DLGAP2: variants seen among roughly 807,000 people sequenced by gnomAD.
The protein encoded by DLGAP2 is disks large-associated protein 2.
A neutral mutation model predicts 100.3 loss-of-function variants in DLGAP2; 26 were observed. The ratio of observed to expected loss-of-function variants is 0.26; its 90% confidence interval spans 0.19 to 0.36. DLGAP2 has a LOEUF of 0.36. DLGAP2 is among the 10% of genes least tolerant of loss of function. The pLI is 1.00. For missense variants in DLGAP2, 1,858 were observed against 1,453.2 expected (o/e 1.28, Z -4.53); for synonymous variants, 886 against 630.1 (o/e 1.41, Z -6.08).
intron 6 of DLGAP2, among the ~76,000 whole-genome samples, chr8:1,581,410 C>G (rs1803249352): frequency 6.6e-6 from 1 of 151,054 alleles, no homozygotes; most frequent in Non-Finnish European, 1.5e-5. Flanking sequence ...AGAAAAAACC[C>G]CACACACATA....
chr8:851,457 G>A (rs542175856), intron 1 of DLGAP2, among the ~76,000 whole-genome samples: 2 of 152,266 alleles, frequency 1.3e-5, no homozygotes, highest in East Asian at 3.9e-4. Flanking sequence ...CCTGCTACTA[G>A]GTAATTTAAA....
chr8:1,285,998 A>G (rs565532366), intron 3 of DLGAP2, among the ~76,000 whole-genome samples: 3 of 152,034 alleles, frequency 2.0e-5, no homozygotes, highest in Non-Finnish European at 4.4e-5. Flanking sequence ...GTTCACTTCC[A>G]TTTTTCTTTT....
chr8:893,823 C>T (rs1248607390), intron 1 of DLGAP2, among the ~76,000 whole-genome samples: 1 of 152,210 alleles, frequency 6.6e-6, no homozygotes, highest in Admixed American at 6.5e-5. Context: ...AACGAGACCC[C>T]CTTCGGCCAG....
At chr8:1,345,379 G>A (rs1304484926) in intron 3 of DLGAP2, among the ~76,000 whole-genome samples, 1 of 152,174 alleles carries the variant, frequency 6.6e-6, no homozygotes, top group African/African-American at 2.4e-5. Context: ...TTGAGAATAA[G>A]TACACTGCAT....
intron 2 of DLGAP2, among the ~76,000 whole-genome samples, chr8:1,226,412 C>A (rs146516774): frequency 3.4e-4 from 51 of 152,142 alleles, no homozygotes; most frequent in Middle Eastern, 3.4e-3. Context: ...TAAGTGGGAG[C>A]TGAACAATGA....
intron 13 of DLGAP2, among the ~76,000 whole-genome samples, chr8:1,694,422 A>T (rs1337047325): frequency 6.6e-6 from 1 of 152,212 alleles, no homozygotes. Flanking sequence ...GAGATTGAGG[A>T]CTGACCACAG....
chr8:1,612,423 A>G (rs1411708521), intron 6 of DLGAP2, among the ~76,000 whole-genome samples: 1 of 135,276 alleles, frequency 7.4e-6, no homozygotes, highest in Non-Finnish European at 1.6e-5. Flanking sequence ...CGTTAGACCT[A>G]AAACCATAAA....
chr8:1,610,376 C>T (rs993546981), intron 6 of DLGAP2, among the ~76,000 whole-genome samples: 2,608 of 151,316 alleles, frequency 0.017, 66 homozygotes, highest in African/African-American at 0.059. Context: ...ATCTCTGGGA[C>T]GCATTCAAAG....
At chr8:1,227,010 G>A (rs746245030) in intron 2 of DLGAP2, among the ~76,000 whole-genome samples, 6 of 150,830 alleles carry the variant, frequency 4.0e-5, no homozygotes, top group Non-Finnish European at 7.4e-5. Flanking sequence ...TCTTCTGATT[G>A]TACCCAAAGG....
intron 2 of DLGAP2, among the ~76,000 whole-genome samples, chr8:1,171,591 G>C (rs909110422): frequency 3.3e-5 from 5 of 152,092 alleles, no homozygotes; most frequent in African/African-American, 4.8e-5. Context: ...TATATATTTA[G>C]GATACTTAGC....
At chr8:796,292 T>G (rs1016425100) in intron 1 of DLGAP2, among the ~76,000 whole-genome samples, 10 of 152,194 alleles carry the variant, frequency 6.6e-5, no homozygotes, top group African/African-American at 2.4e-4. Context: ...GCTTGGACTT[T>G]GTGTCCCTGC....
chr8:1,411,523 G>A (rs1009442318), intron 3 of DLGAP2, among the ~76,000 whole-genome samples: 5 of 152,172 alleles, frequency 3.3e-5, no homozygotes, highest in Non-Finnish European at 2.9e-5. Flanking sequence ...GCAGGAAGAC[G>A]GAGTCATAAA....
rs1171509773 is a variant in DLGAP2 at position 840,690 on chromosome 8, A to G, written c.19-67222A>G. ...GCGCGTCCACACGGTGCACACCTGT[A>G]TGTCTCCCTACACTCTGGATTCTGT... On this transcript the variant is annotated intron_variant, in intron 1 of 14. Coordinates refer to ENST00000637795, the MANE Select transcript of DLGAP2 (RefSeq NM_001346810.2). 2.8e-5 allele frequency among the ~76,000 whole-genome samples: 4 copies of G among 141,554 alleles called. 1 individual carries two copies. In the East Asian group the frequency reaches 6.4e-4, roughly 23 times the overall value. The allele number at this position is 141,554 out of a possible 152,430, so 92.9% of individuals were successfully genotyped here. A position where few individuals can be genotyped will look rare whatever the true frequency, so the allele number is the denominator to read the frequency against.
chr8:1,586,673 G>T (rs778259554), intron 6 of DLGAP2, among the ~76,000 whole-genome samples: 1 of 152,228 alleles, frequency 6.6e-6, no homozygotes, highest in East Asian at 1.9e-4. Context: ...GAGGTACCAC[G>T]TGCGTCCTTC....
chr8:1,427,782 C>G (rs1797277564), intron 3 of DLGAP2, among the ~76,000 whole-genome samples: 1 of 152,196 alleles, frequency 6.6e-6, no homozygotes, highest in East Asian at 1.9e-4. Context: ...TCCCCAGCTA[C>G]ATGGAACCGT....
chr8:841,657 C>T (rs1796985789), intron 1 of DLGAP2, among the ~76,000 whole-genome samples: 1 of 152,044 alleles, frequency 6.6e-6, no homozygotes, highest in South Asian at 2.1e-4. Context: ...TCTTGGGTCA[C>T]TGCAGCCTTG....
chr8:1,012,090 A>G (rs1010973197), intron 2 of DLGAP2, among the ~76,000 whole-genome samples: 4 of 152,164 alleles, frequency 2.6e-5, no homozygotes, highest in African/African-American at 9.7e-5. Flanking sequence ...TGTCGCAGGA[A>G]GACCAGACTC....
chr8:1,066,038 C>T (rs1230297105), intron 2 of DLGAP2, among the ~76,000 whole-genome samples: 6 of 152,228 alleles, frequency 3.9e-5, no homozygotes, highest in Admixed American at 1.3e-4. Flanking sequence ...GGGCTAGGTC[C>T]GCTCGCTGGC....
chr8:1,633,120 G>A, intron 8 of DLGAP2, 74 bp downstream of exon 8: 1 of 1,391,098 alleles, frequency 7.2e-7, no homozygotes, highest in Non-Finnish European at 1.0e-6. Flanking sequence ...GAAGGAGCGA[G>A]CAGCACACAG....
Sources: allele counts gnomAD v4.1 joint callset (sites outside exome capture counted in the v4.1 genomes callset), GRCh38; gene constraint gnomAD v4.1.1; transcripts MANE v1.5; gene names NCBI Gene and HGNC (gene_info 2026-07-23, HGNC 2026-07-21).